Variants in LTBP1 observed in about 807,000 individuals in gnomAD.
The protein encoded by LTBP1 is latent-transforming growth factor beta-binding protein 1.
In LTBP1, 129 loss-of-function variants were observed where a neutral mutation model predicts 207.6. The observed-to-expected ratio is 0.62, with a 90% CI of 0.54 to 0.72. The LOEUF is 0.72. Among genes scored for constraint, LTBP1 ranks in the 30% least tolerant of loss-of-function variants. The pLI is 0.00. For synonymous variants in LTBP1, 963 were observed against 833.7 expected (o/e 1.16, Z -2.67); for missense variants, 2,281 against 2,217.2 (o/e 1.03, Z -0.58).
At chr2:32,990,498 G>C (rs1684238803) in intron 2 of LTBP1, among the ~76,000 whole-genome samples, 1 of 152,182 alleles carries the variant, frequency 6.6e-6, no homozygotes, top group African/African-American at 2.4e-5. Context: ...ACTTCAGACT[G>C]TTGGGTTGGA....
intron 22 of LTBP1, among the ~76,000 whole-genome samples, chr2:33,305,400 G>A (rs552603903): frequency 1.8e-4 from 28 of 151,764 alleles, no homozygotes; most frequent in African/African-American, 6.6e-4. Flanking sequence ...AAAATAGAGC[G>A]GGGTATATGG....
intron 3 of LTBP1, among the ~76,000 whole-genome samples, chr2:33,062,246 A>T (rs962005751): frequency 8.1e-5 from 12 of 149,006 alleles, no homozygotes; most frequent in African/African-American, 2.7e-4. Flanking sequence ...CACACACAGC[A>T]TTTTTTTCCT....
chr2:32,996,323 C>T (rs1032883265), intron 2 of LTBP1, among the ~76,000 whole-genome samples: 1 of 152,026 alleles, frequency 6.6e-6, no homozygotes, highest in African/African-American at 2.4e-5. Context: ...TCTCTAGGAC[C>T]TCTTTTATGA....
At chr2:33,161,416 G>C (rs575042860) in intron 5 of LTBP1, among the ~76,000 whole-genome samples, 3 of 152,046 alleles carry the variant, frequency 2.0e-5, no homozygotes, top group South Asian at 4.2e-4. Context: ...ACAGGTGCCC[G>C]CCACCACACC....
chr2:33,225,325 A>G (rs1408198502), intron 9 of LTBP1, among the ~76,000 whole-genome samples: 2 of 152,168 alleles, frequency 1.3e-5, no homozygotes, highest in Non-Finnish European at 2.9e-5. Context: ...TATTCTTCCT[A>G]TTTAACTGTT....
intron 4 of LTBP1, among the ~76,000 whole-genome samples, chr2:33,119,564 C>A (rs2080978215): frequency 6.6e-6 from 1 of 151,990 alleles, no homozygotes; most frequent in Non-Finnish European, 1.5e-5. Flanking sequence ...TTCTTTCTTT[C>A]TTTTATTTTT....
intron 5 of LTBP1, among the ~76,000 whole-genome samples, chr2:33,151,072 T>C (rs546151707): frequency 2.4e-4 from 37 of 152,160 alleles, no homozygotes; most frequent in Non-Finnish European, 3.7e-4. Flanking sequence ...TCATTCATAC[T>C]GTAGCATGTT....
chr2:33,042,038 C>G (rs1420927645), intron 3 of LTBP1, among the ~76,000 whole-genome samples: 1 of 152,170 alleles, frequency 6.6e-6, no homozygotes, highest in African/African-American at 2.4e-5. Flanking sequence ...TTGTGCCATT[C>G]TAATAGGTGT....
chr2:33,243,913 A>G, intron 10 of LTBP1, 129 bp downstream of exon 10: 1 of 1,024,454 alleles, frequency 9.8e-7, no homozygotes, highest in Non-Finnish European at 1.4e-6. Context: ...AATTAAAATA[A>G]CAAGCAAGGG....
At chr2:33,043,276 CTCTTCCTGACATAATGAGTCTATAATAA>C (rs2076281979) in intron 3 of LTBP1, among the ~76,000 whole-genome samples, 1 of 151,986 alleles carries the variant, frequency 6.6e-6, no homozygotes, top group Admixed American at 6.6e-5. Flanking sequence ...AGCTTTGATT[CTCTTCCTGACATAATGAGTCTATAATAA>C]TTGGTCAAGA....
At chr2:33,331,268 G>T (rs2094491241) in intron 24 of LTBP1, among the ~76,000 whole-genome samples, 1 of 150,782 alleles carries the variant, frequency 6.6e-6, no homozygotes, top group Non-Finnish European at 1.5e-5. Flanking sequence ...TTTACACTTT[G>T]GGGTTTAAAT....
At chr2:33,176,822 C>T (rs2086111305) in intron 5 of LTBP1, among the ~76,000 whole-genome samples, 2 of 152,118 alleles carry the variant, frequency 1.3e-5, no homozygotes, top group South Asian at 4.2e-4. Context: ...CTTGCACATC[C>T]CTTTTGTTGC....
intron 3 of LTBP1, among the ~76,000 whole-genome samples, chr2:33,107,086 A>G (rs1203305297): frequency 6.6e-6 from 1 of 152,230 alleles, no homozygotes; most frequent in African/African-American, 2.4e-5. Context: ...AACCCATTAG[A>G]GAACTCATGA....
At chr2:33,283,370 A>G (rs999254305) in intron 19 of LTBP1, among the ~76,000 whole-genome samples, 1 of 146,722 alleles carries the variant, frequency 6.8e-6, no homozygotes, top group East Asian at 2.0e-4. Context: ...TATAGGATAT[A>G]TTGATGAATT....
intron 15 of LTBP1, among the ~76,000 whole-genome samples, chr2:33,269,056 C>T (rs1236814182): frequency 6.6e-6 from 1 of 152,190 alleles, no homozygotes; most frequent in South Asian, 2.1e-4. Flanking sequence ...AAAATGAACT[C>T]TTTTATTTCC....
chr2:33,306,943 T>C (rs1376847223), intron 22 of LTBP1, among the ~76,000 whole-genome samples: 5 of 151,264 alleles, frequency 3.3e-5, no homozygotes, highest in South Asian at 4.2e-4. Context: ...CAAAAATCAG[T>C]TGGGCGTGGT....
intron 23 of LTBP1, among the ~76,000 whole-genome samples, chr2:33,312,216 C>T (rs76386225): frequency 8.0e-5 from 12 of 150,784 alleles, no homozygotes; most frequent in African/African-American, 2.2e-4. Context: ...TGTTTAAATT[C>T]TGAAAATGTA....
intron 3 of LTBP1, among the ~76,000 whole-genome samples, chr2:33,099,455 G>C (rs922905424): frequency 6.6e-6 from 1 of 151,168 alleles, no homozygotes; most frequent in African/African-American, 2.4e-5. Flanking sequence ...AAATTTTCCC[G>C]TATGAAATAT....
rs148601927 is a variant in LTBP1, at chr2:33,122,467, A to G, written c.1033+11716A>G. ...GCGGGTGGGCAGTTGACTCAAAACCAATCTGAGGCTGGCCAGCTGCCTGTA... is the reference window on the plus strand; with the variant it reads ...GCGGGTGGGCAGTTGACTCAAAACCGATCTGAGGCTGGCCAGCTGCCTGTA... On this transcript the variant is annotated intron_variant, in intron 4 of 33. Coordinates refer to ENST00000404816, the MANE Select transcript of LTBP1 (RefSeq NM_206943.4). 7.6e-4 allele frequency among the ~76,000 whole-genome samples: 115 copies of G among 152,262 alleles called. 1 individual carries two copies. Among genetic ancestry groups the G allele is most frequent in the African/African-American group, 2.5e-3 (102 of 41,566 alleles).
Sources: gnomAD v4.1 joint callset for allele counts (sites outside exome capture counted in the v4.1 genomes callset) on GRCh38, gnomAD v4.1.1 for gene constraint, MANE v1.5 for transcripts, NCBI Gene and HGNC (gene_info 2026-07-23, HGNC 2026-07-21) for gene names.